The following TRIP12 variants were observed in gnomAD, a reference collection of about 807,000 sequenced individuals.
TRIP12 encodes the protein E3 ubiquitin-protein ligase TRIP12.
A neutral mutation model predicts 244.2 loss-of-function variants in TRIP12; 25 were observed. That is an observed-to-expected ratio of 0.10 (90% confidence interval 0.07 to 0.14). The LOEUF (loss-of-function observed/expected upper bound fraction) is 0.14. TRIP12 is among the 10% of genes least tolerant of loss of function. TRIP12 has a pLI of 1.00. For synonymous variants in TRIP12, 905 were observed against 873.1 expected, an observed-to-expected ratio of 1.04 and a Z score of -0.64; for missense variants, 1,677 against 2,486.4, an observed-to-expected ratio of 0.67 and a Z score of 6.92.
At chr2:229,922,734 G>A, upstream of TRIP12, 5 of 939,182 alleles carry the variant, frequency 5.3e-6, no homozygotes, top group Non-Finnish European at 7.9e-6. Context: ...TCCCGGCTCC[G>A]CGCCGGGAGA....
At chr2:229,807,928 A>G (rs1157472699) in intron 16 of TRIP12, 64 bp from the exon 17 acceptor site, 112 of 1,480,652 alleles carry the variant, frequency 7.6e-5, no homozygotes, top group Non-Finnish European at 9.8e-5. Context: ...TTAGGTCTCT[A>G]AAGAAAAATA....
intron 39 of TRIP12, among the ~76,000 whole-genome samples, chr2:229,770,609 GTTCTT>G (rs1338333839): frequency 6.6e-6 from 1 of 152,170 alleles, no homozygotes; most frequent in Non-Finnish European, 1.5e-5. Context: ...CCAGTGAGTA[GTTCTT>G]TTGAGATTTG....
chr2:229,896,833 G>T (rs142915844), intron 1 of TRIP12, among the ~76,000 whole-genome samples: 2 of 152,186 alleles, frequency 1.3e-5, no homozygotes, highest in East Asian at 3.9e-4. Flanking sequence ...TTTACAATAA[G>T]ACTCTTGTTT....
intron 1 of TRIP12, among the ~76,000 whole-genome samples, chr2:229,918,223 C>A (rs1050278322): frequency 6.6e-6 from 1 of 152,122 alleles, no homozygotes; most frequent in Non-Finnish European, 1.5e-5. Flanking sequence ...TTTTTCTGTA[C>A]ATAGTGGGTG....
At position 229,893,259 on chromosome 2, in the gene TRIP12, T is replaced by C. The variant is rs376822591; in HGVS notation, c.-49-13131A>G. 1.5e-4 allele frequency among the ~76,000 whole-genome samples: 23 copies of C among 152,382 alleles called. No homozygotes were observed. The East Asian group carries it at 3.3e-3, about 22-fold the overall frequency. ...TCAAAGTAAGTTGCAGGCACCATTA[T>C]ACTTTATGTATCATAAAACAGTTTC... On this transcript the variant is annotated intron_variant, in intron 1 of 41. Transcript: ENST00000675903.
intron 4 of TRIP12, among the ~76,000 whole-genome samples, chr2:229,855,862 C>T (rs1420977789): frequency 1.3e-5 from 2 of 151,708 alleles, no homozygotes; most frequent in African/African-American, 2.4e-5. Flanking sequence ...GTCAATATGG[C>T]GAAACCCTGT....
chr2:229,848,965 T>C (rs1169441537), intron 4 of TRIP12, among the ~76,000 whole-genome samples: 1 of 151,904 alleles, frequency 6.6e-6, no homozygotes, highest in Non-Finnish European at 1.5e-5. Context: ...TTCCTTAGAG[T>C]CAAGAAGAAA....
intron 27 of TRIP12, among the ~76,000 whole-genome samples, chr2:229,792,535 T>C (rs2041806323): frequency 6.6e-6 from 1 of 152,178 alleles, no homozygotes; most frequent in African/African-American, 2.4e-5. Flanking sequence ...TGAAACAAAG[T>C]GTATGTACAT....
At chr2:229,843,497 C>T (rs2056947261) in intron 4 of TRIP12, among the ~76,000 whole-genome samples, 1 of 152,146 alleles carries the variant, frequency 6.6e-6, no homozygotes, top group South Asian at 2.1e-4. Context: ...GAGGCCAAGG[C>T]CTGAGGATCA....
intron 1 of TRIP12, among the ~76,000 whole-genome samples, chr2:229,885,615 T>C (rs1256029623): frequency 1.3e-5 from 2 of 152,072 alleles, no homozygotes; most frequent in Non-Finnish European, 2.9e-5. Flanking sequence ...TAAAACAAAA[T>C]AGAAATCACC....
At chr2:229,792,638 C>A (rs1465161578) in intron 27 of TRIP12, among the ~76,000 whole-genome samples, 2 of 152,150 alleles carry the variant, frequency 1.3e-5, no homozygotes, top group African/African-American at 4.8e-5. Flanking sequence ...GAGCGTTTTG[C>A]ATTTTAGATT....
chr2:229,781,490 T>C (rs1033662911), intron 34 of TRIP12, among the ~76,000 whole-genome samples: 1 of 152,198 alleles, frequency 6.6e-6, no homozygotes, highest in Non-Finnish European at 1.5e-5. Flanking sequence ...TGAGTTTATG[T>C]TAACTTGCCC....
intron 29 of TRIP12, 100 bp from the exon 30 acceptor site, chr2:229,791,351 T>A: frequency 7.5e-7 from 1 of 1,336,986 alleles, no homozygotes; most frequent in African/African-American, 1.4e-5. Flanking sequence ...AAGACTGTTC[T>A]GAGATCTATT....
Position 229,774,077 on chromosome 2 carries a change from C to A in TRIP12, c.5694+20G>T, listed in dbSNP as rs748966894. ...TCCGTCTTCACAACTGGCCTACCCC[C>A]CAAAGACACAGTTACATACTCTTAG... On this transcript the variant is annotated intron_variant, in intron 38 of 41. Transcript: ENST00000675903. 8.7e-6 allele frequency: 14 copies of A among 1,606,864 alleles called. No homozygotes were observed. Among genetic ancestry groups the A allele is most frequent in the African/African-American group, 4.0e-5 (3 of 74,678 alleles).
intron 1 of TRIP12, among the ~76,000 whole-genome samples, chr2:229,882,126 A>G (rs564697628): frequency 1.3e-5 from 2 of 152,340 alleles, no homozygotes; most frequent in South Asian, 2.1e-4. Context: ...AAATGAGGAT[A>G]AAGAACTCAC....
rs771434022 is a variant in TRIP12, at chr2:229,769,328, G to A, written c.5809-3C>T. On this transcript the variant is annotated splice_region_variant and splice_polypyrimidine_tract_variant and intron_variant, in intron 39 of 41. Transcript: ENST00000675903. ...CTGCCACAAAGGAGCTGATCCAGCT[G>A]TGAGTTTAAATAAGGGTAAAAAGAA... The A allele has an allele frequency of 6.8e-6, 11 of 1,613,792 alleles. No individual in the cohort carries two copies. The South Asian group carries it at 8.8e-5, about 13-fold the overall frequency.
intron 1 of TRIP12, among the ~76,000 whole-genome samples, chr2:229,918,005 T>A (rs139871398): frequency 2.6e-5 from 4 of 152,090 alleles, no homozygotes; most frequent in East Asian, 3.9e-4. Flanking sequence ...ACATACCACA[T>A]TGACATGAAA....
chr2:229,847,913 A>G (rs568105303), intron 4 of TRIP12, among the ~76,000 whole-genome samples: 2 of 152,318 alleles, frequency 1.3e-5, no homozygotes, highest in East Asian at 3.9e-4. Flanking sequence ...TCACTACACC[A>G]AAAATAAGAG....
chr2:229,903,018 CTTTTT>C (rs57794819), intron 1 of TRIP12, among the ~76,000 whole-genome samples: 8 of 104,894 alleles, frequency 7.6e-5, no homozygotes, highest in East Asian at 2.6e-4. Context: ...TTCTTTTTTT[CTTTTT>C]TTTTTTTTTT....
Sources: allele counts gnomAD v4.1 joint callset (sites outside exome capture counted in the v4.1 genomes callset), GRCh38; gene constraint gnomAD v4.1.1; transcripts MANE v1.5; gene names NCBI Gene and HGNC (gene_info 2026-07-23, HGNC 2026-07-21).